Variants in CWF19L2 observed in about 807,000 individuals in gnomAD.
The protein encoded by CWF19L2 is CWF19-like protein 2.
Under a neutral mutation model 111.7 loss-of-function variants are expected in CWF19L2, and 98 were observed. That is an observed-to-expected ratio of 0.88 (90% CI 0.75 to 1.04). CWF19L2 has a LOEUF of 1.04. Among genes scored for constraint, CWF19L2 ranks in the 50% least tolerant of loss-of-function variants. The pLI is 0.00. For synonymous variants in CWF19L2, 351 were observed against 342.9 expected (o/e 1.02, Z -0.26); for missense variants, 1,101 against 1,051.4 (o/e 1.05, Z -0.65).
intron 8 of CWF19L2, among the ~76,000 whole-genome samples, chr11:107,427,368 T>C (rs1458143509): frequency 6.6e-6 from 1 of 152,060 alleles, no homozygotes; most frequent in African/African-American, 2.4e-5. Flanking sequence ...CATGTATACA[T>C]ACATATATAT....
intron 12 of CWF19L2, among the ~76,000 whole-genome samples, chr11:107,375,322 T>C (rs1250004510): frequency 7.4e-6 from 1 of 135,834 alleles, no homozygotes; most frequent in Non-Finnish European, 1.6e-5. Flanking sequence ...ATATACATTT[T>C]TTTCAGCACC....
At position 107,390,147 on chromosome 11, in the gene CWF19L2, T is replaced by C. The variant is rs745987473; in HGVS notation, c.1799A>G (p.Asn600Ser). 3.1e-6 allele frequency: 5 copies of C among 1,612,268 alleles called. No individual in the cohort carries two copies. Among genetic ancestry groups the C allele is most frequent in the Admixed American group, 1.7e-5 (1 of 59,978 alleles). ...YFHDDDNLSLNDLVKNEKMGT... is the reference protein window; with the variant it reads ...YFHDDDNLSLSDLVKNEKMGT... ...CATCTTTTCATTTTTGACTAAATCA[T>C]TTAGGCTTAGATTATCATCATCATG... Residue 600 changes from asparagine to serine, a missense_variant, in exon 12 of 18, where the codon AAT becomes AGT. By Grantham distance (46) the Asn-to-Ser change is conservative. Coordinates refer to ENST00000282251, the MANE Select transcript of CWF19L2 (RefSeq NM_152434.3).
chr11:107,435,265 T>C (rs1400692430), intron 6 of CWF19L2, among the ~76,000 whole-genome samples: 1 of 152,218 alleles, frequency 6.6e-6, no homozygotes, highest in Non-Finnish European at 1.5e-5. Flanking sequence ...CTTGCTTTTT[T>C]GTTGTTATTT....
rs140317270 is a variant in CWF19L2 at position 107,345,099 on chromosome 11, T to C, written c.2202+3838A>G. Among the ~76,000 whole-genome samples, 322 of 152,298 alleles carry C rather than the reference T, an allele frequency of 2.1e-3. 1 individual carries two copies. Among genetic ancestry groups the C allele is most frequent in the Non-Finnish European group, 3.7e-3 (249 of 68,032 alleles). ...ATTACCTTCACATGCCTAGTGTTAC[T>C]TGCACAAAAAAAACTAAAAAACAGA... On this transcript the variant is annotated intron_variant, in intron 14 of 17. Coordinates refer to ENST00000282251, the MANE Select transcript of CWF19L2 (RefSeq NM_152434.3).
chr11:107,399,387 A>G (rs993270617), intron 10 of CWF19L2, among the ~76,000 whole-genome samples: 4 of 152,342 alleles, frequency 2.6e-5, no homozygotes, highest in African/African-American at 9.6e-5. Flanking sequence ...AAGGCATTTC[A>G]CACAAATGGA....
chr11:107,396,857 T>A (rs1176570531), intron 10 of CWF19L2, among the ~76,000 whole-genome samples: 1 of 152,298 alleles, frequency 6.6e-6, no homozygotes, highest in South Asian at 2.1e-4. Context: ...GTCCCCCAAC[T>A]GTGGAAGTGG....
chr11:107,402,871 G>GTATATATATATATA (rs767099135), intron 10 of CWF19L2, among the ~76,000 whole-genome samples: 1,172 of 56,778 alleles, frequency 0.021, 166 homozygotes, highest in Middle Eastern at 0.041. Flanking sequence ...AAACTGTGGT[G>GTATATATATATATA]TGTATATATA....
In CWF19L2 at chr11:107,336,578, T is replaced by C. The variant is rs201979112; in HGVS notation, c.2338A>G (p.Met780Val). 5.0e-6 allele frequency: 8 copies of C among 1,603,568 alleles called. No homozygotes were observed. The highest frequency in any genetic ancestry group is 3.5e-5 in the Admixed American group (2 of 57,558). Residue 780 changes from methionine (M) to valine (V), a missense_variant, in exon 15 of 18, where the codon ATG (methionine) becomes GTG (valine). Met to Val is a conservative substitution (Grantham distance 21). Coordinates refer to ENST00000282251, the MANE Select transcript of CWF19L2 (RefSeq NM_152434.3). ...AACACCTTAAAATAGATGGGAGCCA[T>C]GTCACCCACTTCCTTGGGAAGAGGA... Reference protein sequence around the residue: ...CIPLPKEVGDMAPIYFKKAIM... With the variant: ...CIPLPKEVGDVAPIYFKKAIM...
chr11:107,453,673 C>T (rs185120555), intron 3 of CWF19L2, among the ~76,000 whole-genome samples: 34 of 151,788 alleles, frequency 2.2e-4, no homozygotes, highest in African/African-American at 7.7e-4. Flanking sequence ...CTCTGTCTTG[C>T]GCCTTAGGTA....
At chr11:107,360,136 A>G (rs1860302637) in intron 12 of CWF19L2, among the ~76,000 whole-genome samples, 1 of 152,036 alleles carries the variant, frequency 6.6e-6, no homozygotes, top group African/African-American at 2.4e-5. Flanking sequence ...CTGAGTCTCT[A>G]TTTTCTATTA....
At chr11:107,433,047 C>T (rs930556094) in intron 7 of CWF19L2, among the ~76,000 whole-genome samples, 1 of 152,016 alleles carries the variant, frequency 6.6e-6, no homozygotes, top group Admixed American at 6.6e-5. Flanking sequence ...GCATATTCTA[C>T]GAGTCTACTT....
At chr11:107,443,335 T>C (rs1861658159) in intron 3 of CWF19L2, among the ~76,000 whole-genome samples, 2 of 151,906 alleles carry the variant, frequency 1.3e-5, no homozygotes, top group African/African-American at 4.8e-5. Flanking sequence ...ACAAAAAAGT[T>C]AGCCAAGCGT....
In CWF19L2 at chr11:107,428,824, G is replaced by A. The variant is rs540647484; in HGVS notation, c.1408C>T (p.Arg470Trp). 2.9e-5 allele frequency: 46 copies of A among 1,611,568 alleles called. No homozygotes were observed. Among genetic ancestry groups the A allele is most frequent in the South Asian group, 1.8e-4 (16 of 90,676 alleles). Residue 470 changes from arginine to tryptophan, a missense_variant, in exon 8 of 18, where the codon CGG becomes TGG. By Grantham distance (101) the Arg-to-Trp change is moderately radical. Coordinates refer to ENST00000282251, the MANE Select transcript of CWF19L2 (RefSeq NM_152434.3). The part of the protein sequence containing the change: ...RDDPPKKEHL[R>W]DTKSTFAGSP... ...CCAGCAAATGTAGACTTTGTATCCC[G>A]TAGATGTTCTTTTTTTGGAGGGTCA...
intron 3 of CWF19L2, among the ~76,000 whole-genome samples, chr11:107,447,643 G>T (rs930163839): frequency 5.3e-5 from 8 of 152,270 alleles, no homozygotes. Flanking sequence ...TCCTTGAAAA[G>T]GATTAAGCTA....
intron 12 of CWF19L2, among the ~76,000 whole-genome samples, chr11:107,359,315 G>A (rs1860287255): frequency 6.6e-6 from 1 of 152,160 alleles, no homozygotes; most frequent in African/African-American, 2.4e-5. Context: ...CCATGCTTCT[G>A]CCAAAATCCC....
At chr11:107,362,028 G>C (rs1347461519) in intron 12 of CWF19L2, among the ~76,000 whole-genome samples, 1 of 152,184 alleles carries the variant, frequency 6.6e-6, no homozygotes, top group Non-Finnish European at 1.5e-5. Context: ...CAAGGGGTCA[G>C]GGAGTTCCCT....
In CWF19L2 at chr11:107,418,260, G is replaced by A; in HGVS notation, c.1461C>T (p.Ile487=). ...ACTTGTTCTTCTCATCAACACTCAG[G>A]ATGTGAATGGACTCACGCTCTGGAC... ...AGSPERESIH[I]LSVDEKNKLG... Residue 487 remains isoleucine (I), a synonymous_variant, in exon 9 of 18, where the codon ATC becomes ATT. Transcript: ENST00000282251. 1 of 1,612,658 alleles carries A rather than the reference G, an allele frequency of 6.2e-7. No homozygotes were observed. The highest frequency in any genetic ancestry group is 8.5e-7 in the Non-Finnish European group (1 of 1,178,802).
intron 5 of CWF19L2, among the ~76,000 whole-genome samples, chr11:107,440,974 C>G (rs1861612061): frequency 1.3e-5 from 2 of 152,060 alleles, no homozygotes; most frequent in Admixed American, 1.3e-4. Flanking sequence ...ATTGGAATTC[C>G]AGATTACCAG....
In CWF19L2 at chr11:107,400,595, T is replaced by C. The variant is rs576527227; in HGVS notation, c.1618-7700A>G. Among the ~76,000 whole-genome samples the C allele has an allele frequency of 3.9e-5, 6 of 152,004 alleles. No individual in the cohort carries two copies. In the East Asian group the frequency reaches 1.2e-3, roughly 29 times the overall value. Reference sequence around the variant, plus strand: ...TTTAAAAATTAACAACAAAAAAAAGTCCAGGACCAGAAGGATTCACAGATG... The same window carrying C: ...TTTAAAAATTAACAACAAAAAAAAGCCCAGGACCAGAAGGATTCACAGATG... On this transcript the variant is annotated intron_variant, in intron 10 of 17. Transcript: ENST00000282251.
Sources: allele counts gnomAD v4.1 joint callset (sites outside exome capture counted in the v4.1 genomes callset), GRCh38; gene constraint gnomAD v4.1.1; transcripts MANE v1.5; gene names NCBI Gene and HGNC (gene_info 2026-07-23, HGNC 2026-07-21).